SETD1A: variants seen among roughly 807,000 people sequenced by gnomAD.
The protein encoded by SETD1A is SET domain containing 1A, histone lysine methyltransferase, also known as histone-lysine N-methyltransferase SETD1A.
SETD1A carries 29 observed loss-of-function variants against 149.9 expected under a neutral mutation model. The observed-to-expected ratio is 0.19, with a 90% CI of 0.14 to 0.26. SETD1A has a LOEUF of 0.26. SETD1A is among the 10% of genes least tolerant of loss of function. The pLI is 1.00. For missense variants in SETD1A, 2,109 were observed against 2,353.1 expected, an observed-to-expected ratio of 0.90 and a Z score of 2.15; for synonymous variants, 1,141 against 968.5, an observed-to-expected ratio of 1.18 and a Z score of -3.31.
rs556305332 is a variant in SETD1A at position 30,981,001 on chromosome 16, A to G, written c.4693-60A>G. The G allele has an allele frequency of 4.4e-6, 7 of 1,605,030 alleles. No homozygotes were observed. The African/African-American group carries it at 6.7e-5, about 15-fold the overall frequency. ...CCCTCTGCCCAGGAAGTCTGTGGGA[A>G]GAGTGAGGGTCTGGGGTGTGGGAGG... is the stretch of plus-strand genomic sequence containing the variant. On this transcript the variant is annotated intron_variant, in intron 16 of 18. Coordinates refer to ENST00000262519, the MANE Select transcript of SETD1A (RefSeq NM_014712.3).
At chr16:30,973,300 G>A (rs532614391) in intron 13 of SETD1A, among the ~76,000 whole-genome samples, 3 of 152,284 alleles carry the variant, frequency 2.0e-5, no homozygotes, top group East Asian at 1.9e-4. Flanking sequence ...GATGTAGGGC[G>A]CTTCTTAAGT....
At chr16:30,965,507 A>T in intron 7 of SETD1A, 46 bp downstream of exon 7, 1 of 1,581,616 alleles carries the variant, frequency 6.3e-7, no homozygotes, top group Non-Finnish European at 8.6e-7. Context: ...TCTGGGAGTC[A>T]GGGTTGGGCC....
rs752689149 is a variant in SETD1A, at chr16:30,971,713, C to G, written c.3352C>G (p.Pro1118Ala). The change falls in exon 13 of 19, where the codon CCT becomes GCT. Residue 1118 changes from proline (P) to alanine (A), a missense_variant. Coordinates refer to ENST00000262519, the MANE Select transcript of SETD1A (RefSeq NM_014712.3). The stretch of plus-strand genomic sequence containing the variant: ...CGAACAGGAGGCGTCTCCAGCAAGG[C>G]CTGCAGGTAGGTGCCACAGGGCTGT... The part of the protein sequence containing the change: ...LPEQEASPAR[P>A]AGPTEESPPS... The G allele has an allele frequency of 6.4e-7, 1 of 1,562,468 alleles. No homozygotes were observed. Among genetic ancestry groups the G allele is most frequent in the African/African-American group, 1.4e-5 (1 of 73,676 alleles).
rs1276089668 is a variant in SETD1A at position 30,978,479 on chromosome 16, T to G, written c.3359-666T>G. On this transcript the variant is annotated intron_variant, in intron 13 of 18. Coordinates refer to ENST00000262519, the MANE Select transcript of SETD1A (RefSeq NM_014712.3). ...ACGCTGGGGAGGCAGCACCCCCAGC[T>G]CGGAGCCAGTGTGTTCCCTCCCCAG... Among the ~76,000 whole-genome samples the G allele has an allele frequency of 2.6e-5, 4 of 152,132 alleles. No individual in the cohort carries two copies. In the East Asian group the frequency reaches 7.7e-4, roughly 29 times the overall value.
chr16:30,984,081 C>T lies in SETD1A; in HGVS notation c.*58C>T. 2 of 1,500,422 alleles carry T rather than the reference C, an allele frequency of 1.3e-6. No individual in the cohort carries two copies. Among genetic ancestry groups the T allele is most frequent in the Non-Finnish European group, 1.8e-6 (2 of 1,106,190 alleles). 92.9% of individuals were successfully genotyped at this position (1,500,422 alleles called of 1,614,324 possible). A position where few individuals can be genotyped will look rare whatever the true frequency, so the allele number is the denominator to read the frequency against. ...TATTCCCCCTGGTGCCCTGAGCTCC[C>T]AGCACCCCCCCAGCCTTAGTGGGCT... On this transcript the variant is annotated 3_prime_UTR_variant, in exon 19 of 19. Transcript: ENST00000262519.
At position 30,971,410 on chromosome 16, in the gene SETD1A, T is replaced by G; in HGVS notation, c.3049T>G (p.Cys1017Gly). The change falls in exon 13 of 19, where the codon TGT becomes GGT. Residue 1017 changes from cysteine to glycine, a missense_variant. By Grantham distance (159) the Cys-to-Gly change is radical. This residue lies in a region of SETD1A where 832 missense variants were observed against 815.6 expected (regional missense o/e 1.02). Coordinates refer to ENST00000262519, the MANE Select transcript of SETD1A (RefSeq NM_014712.3). The stretch of plus-strand genomic sequence containing the variant: ...CGAGGAAAGCGATTCGTCTTCCAAA[T>G]GTTCTCTGTATGCTGACTCAGATGG... ...EDEESDSSSK[C>G]SLYADSDGEN... is the part of the protein sequence containing the mutation. The G allele has an allele frequency of 6.2e-7, 1 of 1,601,142 alleles. No individual in the cohort carries two copies. The highest frequency in any genetic ancestry group is 8.5e-7 in the Non-Finnish European group (1 of 1,170,964).
In SETD1A at chr16:30,969,412, G is replaced by T. The variant is rs1381164312; in HGVS notation, c.2878G>T (p.Ala960Ser). Residue 960 changes from alanine (A) to serine (S), a missense_variant, in exon 11 of 19, where the codon GCT becomes TCT. Physicochemically the swap from Ala to Ser is moderately conservative, Grantham distance 99 (BLOSUM62 1). Coordinates refer to ENST00000262519, the MANE Select transcript of SETD1A (RefSeq NM_014712.3). ...CCAGGGCAAGCACCGCAAGTCCTTTGCTCTGGACAGCGAAGGGGAGGAGGC... is the reference window on the plus strand; with the variant it reads ...CCAGGGCAAGCACCGCAAGTCCTTTTCTCTGGACAGCGAAGGGGAGGAGGC... ...KTQGKHRKSF[A>S]LDSEGEEASQ... 6.2e-7 allele frequency: 1 copy of T among 1,613,992 alleles called. No individual in the cohort carries two copies. Among genetic ancestry groups the T allele is most frequent in the South Asian group, 1.1e-5 (1 of 91,060 alleles).
chr16:30,961,158 CT>C lies in SETD1A; in HGVS notation c.247-106del. On this transcript the variant is annotated intron_variant, in intron 3 of 18. Transcript: ENST00000262519. This position sits in a 1 kb window ranked among gnomAD's most constrained non-coding sequence, Gnocchi z 4.0. ...TTTGGGCCCCTTCCCTTGCCCCTCA[CT>C]TTCCCGGATCTCTCTCTTGACTTCA... The C allele has an allele frequency of 8.4e-7, 1 of 1,196,246 alleles. No individual in the cohort carries two copies. The highest frequency in any genetic ancestry group is 1.5e-5 in the African/African-American group (1 of 65,138). 74.1% of individuals were successfully genotyped at this position (1,196,246 alleles called of 1,614,324 possible).
Position 30,980,200 on chromosome 16 carries a change from C to A in SETD1A, c.4408+6C>A. Reference sequence around the variant, plus strand: ...TCACTGGGTCCATCACACAAATATCCTGAGTGTGGGCGGCCTTCCCCGGGC... The same window carrying A: ...TCACTGGGTCCATCACACAAATATCATGAGTGTGGGCGGCCTTCCCCGGGC... On this transcript the variant is annotated splice_donor_region_variant and intron_variant, in intron 14 of 18. Transcript: ENST00000262519. This position sits in a 1 kb window ranked among gnomAD's most constrained non-coding sequence, Gnocchi z 7.7. 1 of 1,595,258 alleles carries A rather than the reference C, an allele frequency of 6.3e-7. No homozygotes were observed.
At chr16:30,967,184 T>TA (rs1567354799) in intron 9 of SETD1A, 124 bp downstream of exon 9, 1 of 730,694 alleles carries the variant, frequency 1.4e-6, no homozygotes. Context: ...GATGGAGTCT[T>TA]ACTCTGTTGC....
intron 10 of SETD1A, among the ~76,000 whole-genome samples, chr16:30,968,711 G>T (rs1170430601): frequency 6.6e-6 from 1 of 152,022 alleles, no homozygotes; most frequent in Non-Finnish European, 1.5e-5. Flanking sequence ...TGAGGCAGGA[G>T]AATTGCTTGA....
intron 17 of SETD1A, among the ~76,000 whole-genome samples, chr16:30,982,479 C>T (rs575338466): frequency 8.9e-4 from 133 of 148,796 alleles, no homozygotes; most frequent in Non-Finnish European, 1.4e-3. Context: ...CCAGCCTGGG[C>T]GACAGAGCAA....
rs2056355588 is a variant in SETD1A, at chr16:30,980,325, C to CT, written c.4408+135dup. 3 of 1,435,666 alleles carry CT rather than the reference C, an allele frequency of 2.1e-6. No homozygotes were observed. The highest frequency in any genetic ancestry group is 1.9e-6 in the Non-Finnish European group (2 of 1,074,378). 88.9% of individuals were successfully genotyped at this position (1,435,666 alleles called of 1,614,324 possible). On this transcript the variant is annotated intron_variant, in intron 14 of 18. Coordinates refer to ENST00000262519, the MANE Select transcript of SETD1A (RefSeq NM_014712.3). The surrounding 1 kb of genome is among the most constrained non-coding windows in gnomAD (Gnocchi z 7.7). ...CATCTTTTCTCTCCTCCTGGTGCCTCTTTTCTGCCTTCCAAAGCATTTCTG... is the reference window on the plus strand; with the variant it reads ...CATCTTTTCTCTCCTCCTGGTGCCTCTTTTTCTGCCTTCCAAAGCATTTCTG...
rs751877165 is a variant in SETD1A, at chr16:30,965,780, C to T, written c.1899C>T (p.Leu633=). The T allele has an allele frequency of 2.1e-5, 33 of 1,590,744 alleles. 2 individuals are homozygous for T. Among genetic ancestry groups the T allele is most frequent in the African/African-American group, 6.7e-5 (5 of 74,096 alleles). ...ATCCTCCCCACCAACCTGCCTACCT[C>T]CTCCCACCCAGACCTGATGGGCCGC... ...LGYPPHQPAY[L]LPPRPDGPPP... The change falls in exon 8 of 19, where the codon CTC becomes CTT. Residue 633 remains leucine, a synonymous_variant. Transcript: ENST00000262519.
At position 30,981,005 on chromosome 16, in the gene SETD1A, T is replaced by G; in HGVS notation, c.4693-56T>G. The G allele has an allele frequency of 2.5e-6, 4 of 1,606,092 alleles. No homozygotes were observed. The Admixed American group carries it at 6.7e-5, about 27-fold the overall frequency. ...CTGCCCAGGAAGTCTGTGGGAAGAG[T>G]GAGGGTCTGGGGTGTGGGAGGTGTC... On this transcript the variant is annotated intron_variant, in intron 16 of 18. Coordinates refer to ENST00000262519, the MANE Select transcript of SETD1A (RefSeq NM_014712.3).
intron 13 of SETD1A, among the ~76,000 whole-genome samples, chr16:30,972,507 A>G (rs2056237460): frequency 6.6e-6 from 1 of 152,110 alleles, no homozygotes; most frequent in African/African-American, 2.4e-5. Context: ...GTATGGTGAC[A>G]GGCACCTGTA....
Position 30,964,610 on chromosome 16 carries a change from A to C in SETD1A, c.870-2A>C. 6.2e-7 allele frequency: 1 copy of C among 1,610,786 alleles called. No individual in the cohort carries two copies. Reference sequence around the variant, plus strand: ...CAGCTAACTCCCCTGCTTCTTCTCCAGCACCACTTCAACCTCCTTCAAGCC... The same window carrying C: ...CAGCTAACTCCCCTGCTTCTTCTCCCGCACCACTTCAACCTCCTTCAAGCC... On this transcript the variant is annotated splice_acceptor_variant, in intron 6 of 18. Coordinates refer to ENST00000262519, the MANE Select transcript of SETD1A (RefSeq NM_014712.3). LOFTEE classifies it high-confidence loss of function.
Position 30,969,687 on chromosome 16 carries a change from A to T in SETD1A, c.3014A>T (p.Asp1005Val). The change falls in exon 12 of 19, where the codon GAT becomes GTT. Residue 1005 changes from aspartate to valine, a missense_variant and splice_region_variant. Physicochemically the swap from Asp to Val is radical, Grantham distance 152. Coordinates refer to ENST00000262519, the MANE Select transcript of SETD1A (RefSeq NM_014712.3). ...DTTKKETEVS[D>V]GEDEESDSSS... ...ACAAAGAAGGAGACAGAGGTGTCGG[A>T]TGGTGAGCACAAGACAGTGAAATCG... is the stretch of plus-strand genomic sequence containing the variant. 2 of 1,613,260 alleles carry T rather than the reference A, an allele frequency of 1.2e-6. No individual in the cohort carries two copies. Among genetic ancestry groups the T allele is most frequent in the Non-Finnish European group, 8.5e-7 (1 of 1,179,134 alleles).
At chr16:30,972,648 A>C (rs2056239215) in intron 13 of SETD1A, among the ~76,000 whole-genome samples, 1 of 151,482 alleles carries the variant, frequency 6.6e-6, no homozygotes, top group Non-Finnish European at 1.5e-5. Context: ...CAAAAAAAAA[A>C]AAAAAGACCA....
Sources: allele counts gnomAD v4.1 joint callset (sites outside exome capture counted in the v4.1 genomes callset), GRCh38; gene constraint gnomAD v4.1.1; regional missense constraint gnomAD v4.1.1; non-coding constraint Gnocchi (gnomAD v3.1); transcripts MANE v1.5; gene names NCBI Gene and HGNC (gene_info 2026-07-23, HGNC 2026-07-21).